The following SPICE1 variants were observed in gnomAD, a reference collection of about 807,000 sequenced individuals.
SPICE1 encodes the protein spindle and centriole-associated protein 1.
A neutral mutation model predicts 102.7 loss-of-function variants in SPICE1; 75 were observed. That is an observed-to-expected ratio of 0.73 (90% CI 0.61 to 0.88). The LOEUF (loss-of-function observed/expected upper bound fraction) is 0.88, where lower values mean the gene tolerates loss of function less well. Ranked by LOEUF, SPICE1 falls within the 40% of genes least tolerant of loss-of-function variation. The pLI is 0.00. For synonymous variants in SPICE1, 308 were observed against 350.3 expected (o/e 0.88, Z 1.35); for missense variants, 979 against 1,020.1 (o/e 0.96, Z 0.55).
intron 6 of SPICE1, 92 bp from the exon 7 acceptor site, chr3:113,489,155 C>A: frequency 1.4e-6 from 1 of 738,062 alleles, no homozygotes; most frequent in Admixed American, 2.4e-5. Context: ...AAGAGAGTTC[C>A]CTCCTCCTAA....
At chr3:113,476,734 G>A (rs1184832563) in intron 7 of SPICE1, among the ~76,000 whole-genome samples, 3 of 151,020 alleles carry the variant, frequency 2.0e-5, no homozygotes, top group Non-Finnish European at 4.4e-5. Context: ...CTAGCCATAT[G>A]GAGAAAGCTG....
chr3:113,460,869 A>C, intron 11 of SPICE1, 105 bp from the exon 12 acceptor site: 1 of 986,900 alleles, frequency 1.0e-6, no homozygotes, highest in East Asian at 2.6e-5. Flanking sequence ...TATCATATCA[A>C]TACATATCAA....
chr3:113,496,059 C>CTTT (rs10557473), intron 4 of SPICE1, among the ~76,000 whole-genome samples: 3 of 82,914 alleles, frequency 3.6e-5, no homozygotes, highest in Non-Finnish European at 4.6e-5. Flanking sequence ...TTTTTTACAA[C>CTTT]TTTTTTTTTT....
At chr3:113,468,483 A>G in intron 9 of SPICE1, 79 bp from the exon 10 acceptor site, 1 of 1,460,106 alleles carries the variant, frequency 6.8e-7, no homozygotes, top group Non-Finnish European at 9.3e-7. Flanking sequence ...TCTTTTGACT[A>G]TTGTTCACAA....
chr3:113,464,163 T>G (rs943959920), intron 11 of SPICE1, among the ~76,000 whole-genome samples: 17 of 151,726 alleles, frequency 1.1e-4, no homozygotes, highest in African/African-American at 3.9e-4. Flanking sequence ...TCAAACATAC[T>G]AAAAACACTG....
intron 1 of SPICE1, among the ~76,000 whole-genome samples, chr3:113,512,405 CTTT>C (rs34015506): frequency 0.084 from 8,803 of 104,194 alleles, 209 homozygotes; most frequent in African/African-American, 0.16. Flanking sequence ...GAAAAGCTTT[CTTT>C]TTTTTTTTTT....
At chr3:113,454,187 CT>C (rs1463411968) in intron 13 of SPICE1, among the ~76,000 whole-genome samples, 4 of 152,160 alleles carry the variant, frequency 2.6e-5, no homozygotes, top group African/African-American at 9.7e-5. Context: ...GAAAAACCAT[CT>C]GTCAAGTTCA....
At chr3:113,503,931 T>TAAAAAA (rs34217669) in intron 2 of SPICE1, among the ~76,000 whole-genome samples, 18 of 95,484 alleles carry the variant, frequency 1.9e-4, no homozygotes, top group African/African-American at 3.1e-4. Flanking sequence ...AGTTTCTATC[T>TAAAAAA]AAAAAAAAAA....
chr3:113,499,667 T>G, intron 3 of SPICE1, 85 bp from the exon 4 acceptor site: 1 of 1,330,550 alleles, frequency 7.5e-7, no homozygotes, highest in Non-Finnish European at 9.9e-7. Flanking sequence ...CTACTCTAGT[T>G]CATCACTTTT....
rs149960786 is a variant in SPICE1 at position 113,453,624 on chromosome 3, A to G, written c.1984T>C (p.Leu662=). Residue 662 remains leucine (L), a synonymous_variant, in exon 14 of 18, where the codon TTA becomes CTA. Transcript: ENST00000295872. The part of the protein sequence containing the change: ...DGQQLRTNES[L]IQRKDIMTRI... ...GTCATTATGTCCTTTCTTTGTATTA[A>G]TGACTCATTTGTTCTCAGCTGCTGC... 2.5e-5 allele frequency: 40 copies of G among 1,614,018 alleles called. No homozygotes were observed. Among genetic ancestry groups the G allele is most frequent in the South Asian group, 3.3e-5 (3 of 91,080 alleles).
rs1311226441 is a variant in SPICE1, at chr3:113,478,172, A to G, written c.612-8934T>C. Among the ~76,000 whole-genome samples, 6 of 152,246 alleles carry G rather than the reference A, an allele frequency of 3.9e-5. No individual in the cohort carries two copies. The East Asian group carries it at 1.2e-3, about 29-fold the overall frequency. ...AGAAAATGAAATTATAGTACAATAAACAGTACTATAAAATAATGTGATGAA... is the reference window on the plus strand; with the variant it reads ...AGAAAATGAAATTATAGTACAATAAGCAGTACTATAAAATAATGTGATGAA... On this transcript the variant is annotated intron_variant, in intron 7 of 17. Transcript: ENST00000295872.
At chr3:113,458,685 G>A (rs1935846517) in intron 12 of SPICE1, among the ~76,000 whole-genome samples, 1 of 152,060 alleles carries the variant, frequency 6.6e-6, no homozygotes, top group African/African-American at 2.4e-5. Flanking sequence ...CGTCTGGGAT[G>A]TAAGGAGCCC....
At chr3:113,467,683 G>A (rs1936093111) in intron 10 of SPICE1, among the ~76,000 whole-genome samples, 1 of 152,176 alleles carries the variant, frequency 6.6e-6, no homozygotes, top group African/African-American at 2.4e-5. Flanking sequence ...CCATATGTGA[G>A]TTACCAGACA....
intron 6 of SPICE1, among the ~76,000 whole-genome samples, chr3:113,491,481 C>T (rs1414932333): frequency 6.6e-6 from 1 of 151,716 alleles, no homozygotes; most frequent in Admixed American, 6.6e-5. Flanking sequence ...AAAAATTAGC[C>T]GGGCATGGTG....
chr3:113,473,834 G>T (rs1311640718), intron 7 of SPICE1, among the ~76,000 whole-genome samples: 1 of 151,906 alleles, frequency 6.6e-6, no homozygotes, highest in East Asian at 1.9e-4. Flanking sequence ...GCAAAATCAT[G>T]CCAAATTGTA....
chr3:113,473,294 C>A (rs534108685), intron 7 of SPICE1, among the ~76,000 whole-genome samples: 24 of 152,158 alleles, frequency 1.6e-4, no homozygotes, highest in Non-Finnish European at 3.1e-4. Flanking sequence ...TGTGAAAAGA[C>A]CAAATCTACG....
intron 4 of SPICE1, among the ~76,000 whole-genome samples, chr3:113,498,250 C>T (rs961074070): frequency 2.6e-5 from 4 of 152,086 alleles, no homozygotes; most frequent in Non-Finnish European, 5.9e-5. Context: ...AACCACTATA[C>T]TAGTGCCTGA....
chr3:113,477,623 C>T (rs1170522523), intron 7 of SPICE1, among the ~76,000 whole-genome samples: 1 of 152,100 alleles, frequency 6.6e-6, no homozygotes, highest in African/African-American at 2.4e-5. Flanking sequence ...ATGATAAGTT[C>T]ATGTCCTTTG....
intron 2 of SPICE1, 54 bp downstream of exon 2, chr3:113,506,453 G>C: frequency 1.4e-6 from 2 of 1,385,580 alleles, no homozygotes; most frequent in Non-Finnish European, 2.0e-6. Flanking sequence ...CCATATCACT[G>C]TGTCCATTTC....
Sources: allele counts gnomAD v4.1 joint callset (sites outside exome capture counted in the v4.1 genomes callset), GRCh38; gene constraint gnomAD v4.1.1; transcripts MANE v1.5; gene names NCBI Gene and HGNC (gene_info 2026-07-23, HGNC 2026-07-21).